Variants in CARD8 observed in about 807,000 individuals in gnomAD.
CARD8 encodes the protein caspase recruitment domain-containing protein 8.
A neutral mutation model predicts 53.2 loss-of-function variants in CARD8; 38 were observed. The observed-to-expected ratio is 0.71, with a 90% CI of 0.55 to 0.94. CARD8 has a LOEUF of 0.94. CARD8 is among the 40% of genes least tolerant of loss of function. CARD8 has a pLI of 0.00. For missense variants in CARD8, 561 were observed against 655.5 expected (o/e 0.86, Z 1.57); for synonymous variants, 245 against 244.9 (o/e 1.00, Z 0.00).
Position 48,240,936 on chromosome 19 carries a change from C to T in CARD8, c.59+26G>A, listed in dbSNP as rs1380225227. The T allele has an allele frequency of 3.9e-6, 6 of 1,521,702 alleles. No individual in the cohort carries two copies. In the East Asian group the frequency reaches 1.2e-4, roughly 31 times the overall value. 94.3% of individuals were successfully genotyped at this position (1,521,702 alleles called of 1,614,324 possible). A position where few individuals can be genotyped will look rare whatever the true frequency, so the allele number is the denominator to read the frequency against. ...ACACAGAAGAATCAGCCATCAGGAG[C>T]CCTCACAGAGCGCAAAGTCACTCAC... On this transcript the variant is annotated intron_variant, in intron 4 of 13. Coordinates refer to ENST00000651546, the MANE Select transcript of CARD8 (RefSeq NM_001184900.3).
At chr19:48,232,271 C>T (rs1257467806) in intron 7 of CARD8, among the ~76,000 whole-genome samples, 182 bp downstream of exon 7, 1 of 152,208 alleles carries the variant, frequency 6.6e-6, no homozygotes, top group Non-Finnish European at 1.5e-5. Context: ...CTGAGCATTT[C>T]CATGCCCCAG....
chr19:48,253,936 AG>A (rs1443908249), intron 1 of CARD8, among the ~76,000 whole-genome samples: 21 of 152,232 alleles, frequency 1.4e-4, no homozygotes, highest in African/African-American at 5.1e-4. Flanking sequence ...TAAGTGCCCT[AG>A]AATAACAACT....
intron 13 of CARD8, 31 bp from the exon 14 acceptor site, chr19:48,212,006 G>T: frequency 1.9e-6 from 3 of 1,602,930 alleles, no homozygotes; most frequent in Non-Finnish European, 2.6e-6. Flanking sequence ...CAGACTTTGA[G>T]AATCGTTCAC....
chr19:48,206,334 T>G (rs2037344947), downstream of CARD8: 1 of 414,156 alleles, frequency 2.4e-6, no homozygotes, highest in Admixed American at 2.6e-5. Flanking sequence ...GTGGGTGCAT[T>G]ACATTAATTA....
chr19:48,239,652 T>C (rs1432381486), intron 4 of CARD8, among the ~76,000 whole-genome samples: 6 of 151,944 alleles, frequency 3.9e-5, no homozygotes, highest in South Asian at 2.1e-4. Context: ...ATTTTTATAT[T>C]TGTAGTAGAG....
chr19:48,245,980 C>A (rs1006449134), intron 3 of CARD8, among the ~76,000 whole-genome samples: 2 of 151,834 alleles, frequency 1.3e-5, no homozygotes, highest in African/African-American at 4.8e-5. Context: ...CATACCATTA[C>A]TTAATGTGCA....
At chr19:48,214,769 C>CTTTTTTTTTTTTTTTTTT (rs531199248) in intron 13 of CARD8, among the ~76,000 whole-genome samples, 3 of 89,564 alleles carry the variant, frequency 3.3e-5, no homozygotes, top group African/African-American at 4.9e-5. Context: ...TGCTATAAAG[C>CTTTTTTTTTTTTTTTTTT]TTTTTTTTTT....
intron 4 of CARD8, 149 bp downstream of exon 4, chr19:48,240,813 C>A (rs947681155): frequency 8.8e-6 from 6 of 684,756 alleles, no homozygotes; most frequent in Admixed American, 6.0e-5. Context: ...GGAGTTTTCC[C>A]TTCATTCATG....
chr19:48,228,092 G>T (rs767577240), intron 10 of CARD8, among the ~76,000 whole-genome samples: 2 of 152,194 alleles, frequency 1.3e-5, no homozygotes, highest in Non-Finnish European at 2.9e-5. Context: ...AACTGCCCAT[G>T]CAAGGGATCT....
intron 10 of CARD8, 35 bp downstream of exon 10, chr19:48,230,403 T>G (rs777332022): frequency 2.6e-6 from 4 of 1,558,814 alleles, no homozygotes; most frequent in Admixed American, 3.7e-5. Flanking sequence ...AATATAATCG[T>G]CATCTTCTCT....
intron 1 of CARD8, among the ~76,000 whole-genome samples, chr19:48,250,279 G>A (rs2046781923): frequency 1.3e-5 from 2 of 152,180 alleles, no homozygotes; most frequent in Non-Finnish European, 2.9e-5. Flanking sequence ...GTTTTGACAG[G>A]ATTTTCCTTG....
At chr19:48,206,853 C>T (rs554634226), downstream of CARD8, among the ~76,000 whole-genome samples, 12 of 152,282 alleles carry the variant, frequency 7.9e-5, no homozygotes, top group African/African-American at 2.9e-4. Flanking sequence ...CATAGGGTAA[C>T]ACCATCACTG....
intron 3 of CARD8, among the ~76,000 whole-genome samples, chr19:48,247,895 G>GTA (rs912690622): frequency 1.2e-4 from 18 of 151,426 alleles, no homozygotes; most frequent in African/African-American, 4.4e-4. Flanking sequence ...GATACACATT[G>GTA]TATCATATGT....
At chr19:48,204,192 G>A (rs1313829013), downstream of CARD8, 5 of 456,002 alleles carry the variant, frequency 1.1e-5, no homozygotes, top group Non-Finnish European at 1.8e-5. Flanking sequence ...ATGGTTACGA[G>A]CCGCTCAGCG....
Position 48,215,844 on chromosome 19 carries a change from A to T in CARD8, c.1304-460T>A, listed in dbSNP as rs185680923. 5.9e-3 allele frequency among the ~76,000 whole-genome samples: 901 copies of T among 152,302 alleles called. 7 individuals are homozygous for T. The highest frequency in any genetic ancestry group is 0.011 in the African/African-American group (466 of 41,554). Reference sequence around the variant, plus strand: ...GGAGCTACCATTTTGGAAAATAATTAAAAAAATTTCCCATGATGCCTTCAA... The same window carrying T: ...GGAGCTACCATTTTGGAAAATAATTTAAAAAATTTCCCATGATGCCTTCAA... On this transcript the variant is annotated intron_variant, in intron 12 of 13. Transcript: ENST00000651546.
chr19:48,238,075 G>C (rs1311084611), intron 5 of CARD8, among the ~76,000 whole-genome samples: 1 of 151,726 alleles, frequency 6.6e-6, no homozygotes, highest in Admixed American at 6.6e-5. Flanking sequence ...ATTTTTAGTA[G>C]AGATGGGGTT....
chr19:48,212,783 GATTT>G (rs1450812057), intron 13 of CARD8, among the ~76,000 whole-genome samples: 1 of 152,202 alleles, frequency 6.6e-6, no homozygotes, highest in Non-Finnish European at 1.5e-5. Context: ...GATGTTCTTT[GATTT>G]ATTTTAGGAC....
intron 10 of CARD8, among the ~76,000 whole-genome samples, chr19:48,229,405 C>T (rs1268642145): frequency 2.0e-5 from 3 of 152,176 alleles, no homozygotes; most frequent in African/African-American, 7.2e-5. Context: ...CAAGAATTCA[C>T]TGGAATGTAT....
intron 12 of CARD8, among the ~76,000 whole-genome samples, chr19:48,216,555 G>A (rs2039344178): frequency 6.6e-6 from 1 of 152,250 alleles, no homozygotes; most frequent in South Asian, 2.1e-4. Flanking sequence ...GAAACTCCAA[G>A]TGCAGTCCCA....
Sources: allele counts gnomAD v4.1 joint callset (sites outside exome capture counted in the v4.1 genomes callset), GRCh38; gene constraint gnomAD v4.1.1; transcripts MANE v1.5; gene names NCBI Gene and HGNC (gene_info 2026-07-23, HGNC 2026-07-21).